Variants in ACSS3 observed in about 807,000 individuals in gnomAD.
ACSS3 encodes the protein acyl-CoA synthetase short-chain family member 3, mitochondrial.
A neutral mutation model predicts 84.2 loss-of-function variants in ACSS3; 64 were observed. That is an observed-to-expected ratio of 0.76 (90% CI 0.62 to 0.94). The LOEUF (loss-of-function observed/expected upper bound fraction) is 0.94. ACSS3 is among the 40% of genes least tolerant of loss of function. The pLI is 0.00. For missense variants in ACSS3, 815 were observed against 867.6 expected, an observed-to-expected ratio of 0.94 and a Z score of 0.76; for synonymous variants, 317 against 310.1, an observed-to-expected ratio of 1.02 and a Z score of -0.23.
intron 9 of ACSS3, among the ~76,000 whole-genome samples, chr12:81,213,836 CTCTT>C (rs1417496313): frequency 7.9e-5 from 8 of 101,180 alleles, no homozygotes; most frequent in African/African-American, 2.0e-4. Context: ...CTCTTCTCTT[CTCTT>C]CTCTCCTCTC....
rs981051264 is a variant in ACSS3, at chr12:81,255,229, A to T, written c.*307A>T. On this transcript the variant is annotated 3_prime_UTR_variant, in exon 16 of 16. Transcript: ENST00000548058. The stretch of plus-strand genomic sequence containing the variant: ...TGTACCTCCCAAGAAGAACACTTTA[A>T]TTGAAAGCAACACTAATATAGAGCC... 5.1e-4 allele frequency: 99 copies of T among 193,288 alleles called. No homozygotes were observed. The highest frequency in any genetic ancestry group is 2.2e-3 in the African/African-American group (95 of 43,074). The allele number at this position is 193,288 out of a possible 1,614,324, so 12.0% of individuals were successfully genotyped here.
chr12:81,254,930 G>T lies in ACSS3; in HGVS notation c.*8G>T, dbSNP rs1333086355. 6 of 1,575,668 alleles carry T rather than the reference G, an allele frequency of 3.8e-6. No individual in the cohort carries two copies. The highest frequency in any genetic ancestry group is 5.2e-6 in the Non-Finnish European group (6 of 1,159,494). ...ATGCTGAAGCAAGCATAATGAGTTTGTCTTATTCCTATTTTGAGTTGATTT... is the reference window on the plus strand; with the variant it reads ...ATGCTGAAGCAAGCATAATGAGTTTTTCTTATTCCTATTTTGAGTTGATTT... On this transcript the variant is annotated 3_prime_UTR_variant, in exon 16 of 16. Transcript: ENST00000548058.
intron 8 of ACSS3, among the ~76,000 whole-genome samples, chr12:81,177,971 C>A (rs554678636): frequency 2.0e-5 from 3 of 152,150 alleles, no homozygotes; most frequent in African/African-American, 7.2e-5. Flanking sequence ...TGGGTATATA[C>A]CCAAAGGACT....
intron 7 of ACSS3, among the ~76,000 whole-genome samples, chr12:81,170,461 T>C (rs561436913): frequency 6.6e-6 from 1 of 152,300 alleles, no homozygotes; most frequent in South Asian, 2.1e-4. Flanking sequence ...TTAAATTTTA[T>C]AGTTTCTAAC....
intron 10 of ACSS3, among the ~76,000 whole-genome samples, chr12:81,218,652 G>GA (rs1274894936): frequency 1.3e-5 from 2 of 151,922 alleles, no homozygotes; most frequent in African/African-American, 2.4e-5. Context: ...CCTTTTATCA[G>GA]AAAAAAATGT....
intron 13 of ACSS3, among the ~76,000 whole-genome samples, chr12:81,248,800 A>T (rs1457413773): frequency 1.3e-5 from 2 of 152,008 alleles, no homozygotes; most frequent in African/African-American, 2.4e-5. Context: ...TATGCATGTA[A>T]CAAAATATCA....
chr12:81,087,758 TC>T (rs1565968399), intron 1 of ACSS3, among the ~76,000 whole-genome samples: 1 of 152,024 alleles, frequency 6.6e-6, no homozygotes, highest in Admixed American at 6.6e-5. Flanking sequence ...CCTCTAACTC[TC>T]CCTCCCAACT....
At chr12:81,110,849 G>A (rs576978022) in intron 2 of ACSS3, among the ~76,000 whole-genome samples, 49 of 152,176 alleles carry the variant, frequency 3.2e-4, no homozygotes, top group Non-Finnish European at 6.3e-4. Context: ...AGGCTTTTAA[G>A]ATTGTATTCT....
chr12:81,155,308 C>A (rs769331121), intron 7 of ACSS3, among the ~76,000 whole-genome samples: 1 of 152,146 alleles, frequency 6.6e-6, no homozygotes, highest in Non-Finnish European at 1.5e-5. Context: ...ATTCTGCTTA[C>A]GTTTCCTGGA....
chr12:81,246,112 G>A (rs2033977227), intron 13 of ACSS3, among the ~76,000 whole-genome samples: 1 of 152,186 alleles, frequency 6.6e-6, no homozygotes, highest in African/African-American at 2.4e-5. Flanking sequence ...GCTGCAGAGA[G>A]CAAGTGGCAC....
At chr12:81,246,060 G>T (rs1156746081) in intron 13 of ACSS3, among the ~76,000 whole-genome samples, 1 of 152,126 alleles carries the variant, frequency 6.6e-6, no homozygotes, top group Admixed American at 6.5e-5. Flanking sequence ...ACATGCCAGG[G>T]TAAGTCAACA....
At chr12:81,220,690 TA>T (rs1443498371) in intron 11 of ACSS3, among the ~76,000 whole-genome samples, 1 of 152,094 alleles carries the variant, frequency 6.6e-6, no homozygotes, top group Non-Finnish European at 1.5e-5. Context: ...TAACATGCAG[TA>T]TTTGATTTTC....
intron 7 of ACSS3, among the ~76,000 whole-genome samples, chr12:81,155,186 G>A (rs1263701023): frequency 6.6e-6 from 1 of 152,068 alleles, no homozygotes; most frequent in Admixed American, 6.6e-5. Flanking sequence ...TCTACTCCTC[G>A]TTTTCTTTCT....
intron 8 of ACSS3, among the ~76,000 whole-genome samples, chr12:81,191,096 G>C (rs1593178927): frequency 6.6e-6 from 1 of 151,794 alleles, no homozygotes; most frequent in East Asian, 1.9e-4. Context: ...TATAACTTAT[G>C]TTTTCATACA....
intron 5 of ACSS3, chr12:81,151,575 T>G (rs1886610536): frequency 3.3e-6 from 1 of 300,628 alleles, no homozygotes; most frequent in African/African-American, 2.2e-5. Flanking sequence ...TGCATGTAAT[T>G]TTGTGAAATC....
At chr12:81,232,177 A>G (rs2033487476) in intron 12 of ACSS3, among the ~76,000 whole-genome samples, 1 of 151,776 alleles carries the variant, frequency 6.6e-6, no homozygotes, top group Non-Finnish European at 1.5e-5. Context: ...ATGATGGGCC[A>G]CAGTTAAATC....
chr12:81,142,677 A>G (rs1886149375), intron 4 of ACSS3, among the ~76,000 whole-genome samples: 1 of 152,212 alleles, frequency 6.6e-6, no homozygotes, highest in Admixed American at 6.5e-5. Context: ...GAGAAATTTT[A>G]ATAGCTTAGT....
rs2034431859 is a variant in ACSS3 at position 81,258,504 on chromosome 12, T to C, written c.*3582T>C. On this transcript the variant is annotated 3_prime_UTR_variant, in exon 16 of 16. Transcript: ENST00000548058. ...AATAGGCTTTACTTTGAATCTCCCATATAAACAAAGAATAAACAACAGTAA... is the reference window on the plus strand; with the variant it reads ...AATAGGCTTTACTTTGAATCTCCCACATAAACAAAGAATAAACAACAGTAA... The C allele has an allele frequency of 1.3e-5, 2 of 152,182 alleles. No homozygotes were observed. Among genetic ancestry groups the C allele is most frequent in the Non-Finnish European group, 2.9e-5 (2 of 68,024 alleles). 9.4% of individuals were successfully genotyped at this position (152,182 alleles called of 1,614,324 possible). A position where few individuals can be genotyped will look rare whatever the true frequency, so the allele number is the denominator to read the frequency against.
intron 9 of ACSS3, among the ~76,000 whole-genome samples, chr12:81,211,812 A>C (rs138746580): frequency 8.9e-4 from 135 of 152,338 alleles, no homozygotes; most frequent in African/African-American, 3.1e-3. Context: ...CTAAGGTCTT[A>C]GGATGACTTT....
Sources: allele counts gnomAD v4.1 joint callset (sites outside exome capture counted in the v4.1 genomes callset), GRCh38; gene constraint gnomAD v4.1.1; transcripts MANE v1.5; gene names NCBI Gene and HGNC (gene_info 2026-07-23, HGNC 2026-07-21).